The following FHIT variants were observed in gnomAD, a reference collection of about 807,000 sequenced individuals.
The protein encoded by FHIT is bis(5'-adenosyl)-triphosphatase.
Under a neutral mutation model 17.9 loss-of-function variants are expected in FHIT, and 19 were observed. The ratio of observed to expected loss-of-function variants is 1.06; its 90% CI spans 0.74 to 1.56. The LOEUF (loss-of-function observed/expected upper bound fraction) is 1.56. Ranked by LOEUF, FHIT falls within the 40% of genes most tolerant of loss-of-function variation. FHIT has a pLI of 0.00. For missense variants in FHIT, 248 were observed against 189.2 expected (o/e 1.31, Z -1.82); for synonymous variants, 81 against 69.7 (o/e 1.16, Z -0.81).
chr3:60,449,072 G>C (rs961764968), intron 5 of FHIT, among the ~76,000 whole-genome samples: 1 of 152,162 alleles, frequency 6.6e-6, no homozygotes, highest in African/African-American at 2.4e-5. Flanking sequence ...AAAAATTCCA[G>C]ATCTGGCCTC....
chr3:59,962,947 G>C (rs1322917407), intron 7 of FHIT, among the ~76,000 whole-genome samples: 1 of 152,100 alleles, frequency 6.6e-6, no homozygotes, highest in African/African-American at 2.4e-5. Context: ...TAATAAGCCA[G>C]GTATAATAAG....
At chr3:61,025,617 A>G (rs756271308) in intron 3 of FHIT, among the ~76,000 whole-genome samples, 3 of 152,252 alleles carry the variant, frequency 2.0e-5, no homozygotes, top group African/African-American at 7.2e-5. Context: ...GAATTATCCA[A>G]TAAATAAATA....
At chr3:59,980,927 CCTAA>C (rs1312682412) in intron 7 of FHIT, among the ~76,000 whole-genome samples, 2 of 152,122 alleles carry the variant, frequency 1.3e-5, no homozygotes, top group Admixed American at 6.6e-5. Context: ...TAATTATAAT[CCTAA>C]CTATGAACAT....
At chr3:61,244,624 T>C (rs987560615) in intron 1 of FHIT, among the ~76,000 whole-genome samples, 3 of 152,106 alleles carry the variant, frequency 2.0e-5, no homozygotes, top group Non-Finnish European at 2.9e-5. Flanking sequence ...TATCTGGCCT[T>C]CTCCTGAAGC....
intron 3 of FHIT, among the ~76,000 whole-genome samples, chr3:61,013,281 C>A (rs1370697380): frequency 6.6e-6 from 1 of 152,162 alleles, no homozygotes; most frequent in Non-Finnish European, 1.5e-5. Flanking sequence ...CTTTGATCCA[C>A]TCTCCCCTTA....
At chr3:60,230,895 G>A (rs1704463051) in intron 5 of FHIT, among the ~76,000 whole-genome samples, 2 of 152,168 alleles carry the variant, frequency 1.3e-5, no homozygotes, top group Non-Finnish European at 2.9e-5. Context: ...ATTTTTAGTA[G>A]ATACGAAGTT....
At chr3:59,787,924 A>C (rs376379279) in intron 8 of FHIT, among the ~76,000 whole-genome samples, 3 of 152,154 alleles carry the variant, frequency 2.0e-5, no homozygotes, top group African/African-American at 7.2e-5. Flanking sequence ...GTGCTGGATA[A>C]ATAAGGGAAT....
intron 5 of FHIT, among the ~76,000 whole-genome samples, chr3:60,120,061 T>C (rs1350660810): frequency 6.6e-6 from 1 of 152,184 alleles, no homozygotes; most frequent in East Asian, 1.9e-4. Context: ...ACATTTCTAA[T>C]AGTTTAAACT....
chr3:60,218,862 T>C (rs761895103), intron 5 of FHIT, among the ~76,000 whole-genome samples: 1 of 151,414 alleles, frequency 6.6e-6, no homozygotes, highest in African/African-American at 2.4e-5. Context: ...ACTGCCTACA[T>C]ACATACATAC....
chr3:60,558,076 C>T (rs1001523668), intron 4 of FHIT, among the ~76,000 whole-genome samples: 2 of 151,992 alleles, frequency 1.3e-5, no homozygotes, highest in South Asian at 2.1e-4. Context: ...AGAGTCCTGC[C>T]GGGACAGAGT....
chr3:60,855,804 T>A (rs1428250549), intron 3 of FHIT, among the ~76,000 whole-genome samples: 2 of 152,108 alleles, frequency 1.3e-5, no homozygotes, highest in African/African-American at 4.8e-5. Flanking sequence ...GAAGGATATA[T>A]GTTTCCCTCT....
At chr3:61,112,262 A>ATT (rs11297153) in intron 2 of FHIT, among the ~76,000 whole-genome samples, 5 of 145,624 alleles carry the variant, frequency 3.4e-5, no homozygotes, top group Admixed American at 6.9e-5. Context: ...CACTGCCTTA[A>ATT]TTTTTTTTTT....
At chr3:59,802,902 G>A (rs745623329) in intron 8 of FHIT, among the ~76,000 whole-genome samples, 1 of 152,138 alleles carries the variant, frequency 6.6e-6, no homozygotes, top group Non-Finnish European at 1.5e-5. Flanking sequence ...GAAATTAGGG[G>A]CTTTATTTAT....
At chr3:60,119,910 C>G (rs941795306) in intron 5 of FHIT, among the ~76,000 whole-genome samples, 26 of 152,186 alleles carry the variant, frequency 1.7e-4, no homozygotes, top group African/African-American at 6.0e-4. Context: ...CAGAATCAAG[C>G]CCAAATACCA....
At chr3:60,655,852 T>A (rs2107814724) in intron 4 of FHIT, among the ~76,000 whole-genome samples, 1 of 152,290 alleles carries the variant, frequency 6.6e-6, no homozygotes, top group African/African-American at 2.4e-5. Context: ...TAGGTACATT[T>A]CCCAGAATGT....
chr3:60,268,196 T>C (rs550203460), intron 5 of FHIT, among the ~76,000 whole-genome samples: 50 of 152,346 alleles, frequency 3.3e-4, no homozygotes, highest in Middle Eastern at 3.4e-3. Flanking sequence ...TCTGAACTTT[T>C]GAGTTTTTAG....
At chr3:60,085,830 C>A (rs1015924260) in intron 5 of FHIT, among the ~76,000 whole-genome samples, 1 of 152,178 alleles carries the variant, frequency 6.6e-6, no homozygotes, top group Non-Finnish European at 1.5e-5. Context: ...GTGCTGCTGG[C>A]AGGATAAGTG....
At chr3:60,652,466 G>A (rs1375383017) in intron 4 of FHIT, among the ~76,000 whole-genome samples, 5 of 152,118 alleles carry the variant, frequency 3.3e-5, no homozygotes, top group African/African-American at 4.8e-5. Flanking sequence ...GGCCAGGCGC[G>A]GTCACGCCTG....
intron 3 of FHIT, among the ~76,000 whole-genome samples, chr3:60,848,358 T>C (rs562203325): frequency 6.6e-6 from 1 of 152,284 alleles, no homozygotes; most frequent in African/African-American, 2.4e-5. Flanking sequence ...TTTGCAATTT[T>C]AACTAAAAGG....
Sources: gnomAD v4.1 joint callset for allele counts (sites outside exome capture counted in the v4.1 genomes callset) on GRCh38, gnomAD v4.1.1 for gene constraint, MANE v1.5 for transcripts, NCBI Gene and HGNC (gene_info 2026-07-23, HGNC 2026-07-21) for gene names.